Variants in SUCO observed in about 807,000 individuals in gnomAD.
SUCO encodes SUN domain-containing ossification factor.
SUCO carries 57 observed loss-of-function variants against 148.1 expected under a neutral mutation model. The ratio of observed to expected loss-of-function variants is 0.38; its 90% confidence interval spans 0.31 to 0.48. The LOEUF (loss-of-function observed/expected upper bound fraction) is 0.48. Among genes scored for constraint, SUCO ranks in the 20% least tolerant of loss-of-function variants. The pLI is 0.96. For synonymous variants in SUCO, 470 were observed against 502.7 expected, an observed-to-expected ratio of 0.93 and a Z score of 0.87; for missense variants, 1,331 against 1,468.2, an observed-to-expected ratio of 0.91 and a Z score of 1.53.
intron 13 of SUCO, among the ~76,000 whole-genome samples, 177 bp downstream of exon 13, chr1:172,577,996 A>G (rs1655583117): frequency 6.6e-6 from 1 of 150,990 alleles, no homozygotes; most frequent in African/African-American, 2.4e-5. Context: ...TCCTCTTTTA[A>G]AAAAAAAACC....
Position 172,611,346 on chromosome 1 carries a change from T to G in SUCO, c.*1087T>G, listed in dbSNP as rs977906195. On this transcript the variant is annotated 3_prime_UTR_variant, in exon 24 of 24. Coordinates refer to ENST00000263688, the MANE Select transcript of SUCO (RefSeq NM_014283.5). ...TTTTTTTTTGTCTTTAAAAAATAAT[T>G]GGCAGCAACTGTATTTGAATAAAAT... 4.6e-5 allele frequency: 7 copies of G among 152,614 alleles called. No individual in the cohort carries two copies. Among genetic ancestry groups the G allele is most frequent in the Non-Finnish European group, 8.8e-5 (6 of 68,026 alleles). 9.5% of individuals were successfully genotyped at this position (152,614 alleles called of 1,614,324 possible).
intron 11 of SUCO, 29 bp downstream of exon 11, chr1:172,575,652 C>G (rs376550396): frequency 5.5e-6 from 8 of 1,453,086 alleles, no homozygotes; most frequent in Non-Finnish European, 7.7e-6. Flanking sequence ...GGACTATGTT[C>G]TATAATGAAA....
chr1:172,538,080 C>T (rs2149216160), intron 1 of SUCO, among the ~76,000 whole-genome samples: 1 of 152,184 alleles, frequency 6.6e-6, no homozygotes, highest in African/African-American at 2.4e-5. Context: ...CTAATTCTAA[C>T]CACCTGACAG....
chr1:172,575,652 C>A, intron 11 of SUCO, 29 bp downstream of exon 11: 1 of 1,453,202 alleles, frequency 6.9e-7, no homozygotes, highest in Non-Finnish European at 9.6e-7. Context: ...GGACTATGTT[C>A]TATAATGAAA....
At position 172,610,291 on chromosome 1, in the gene SUCO, TTTG is replaced by T. The variant is rs762358540; in HGVS notation, c.*41_*43del. Reference sequence around the variant, plus strand: ...TTGAACTTTTCATACAGAAGACTTTTTTGTTGTTGTTCTTTGAAGAACAGTCTG... The same window carrying T: ...TTGAACTTTTCATACAGAAGACTTTTTTGTTGTTCTTTGAAGAACAGTCTG... On this transcript the variant is annotated 3_prime_UTR_variant, in exon 24 of 24. Transcript: ENST00000263688. 2.5e-5 allele frequency: 38 copies of T among 1,538,770 alleles called. No individual in the cohort carries two copies. The highest frequency in any genetic ancestry group is 4.2e-5 in the African/African-American group (3 of 71,944).
At chr1:172,549,918 T>G (rs1224807272) in intron 1 of SUCO, among the ~76,000 whole-genome samples, 1 of 151,778 alleles carries the variant, frequency 6.6e-6, no homozygotes, top group Non-Finnish European at 1.5e-5. Context: ...GAAATACAGT[T>G]TCTAAAATGA....
rs992414629 is a variant in SUCO at position 172,588,687 on chromosome 1, T to C, written c.1659-73T>C. On this transcript the variant is annotated intron_variant, in intron 17 of 23. Coordinates refer to ENST00000263688, the MANE Select transcript of SUCO (RefSeq NM_014283.5). ...CTTTTATCTTCTGTATGGATACATT[T>C]ATTTTTCTTTAACATATTTCAACTT... The C allele has an allele frequency of 1.2e-5, 16 of 1,297,858 alleles. No individual in the cohort carries two copies. The African/African-American group carries it at 2.2e-4, about 18-fold the overall frequency. The allele number at this position is 1,297,858 out of a possible 1,614,324, so 80.4% of individuals were successfully genotyped here.
intron 9 of SUCO, among the ~76,000 whole-genome samples, chr1:172,571,734 G>A (rs1194818532): frequency 1.8e-5 from 1 of 55,528 alleles, no homozygotes; most frequent in African/African-American, 9.0e-5. Flanking sequence ...TGTGAGGAGC[G>A]CCTCTACCCG....
intron 23 of SUCO, 77 bp from the exon 24 acceptor site, chr1:172,609,739 T>C: frequency 3.9e-6 from 6 of 1,522,208 alleles, no homozygotes; most frequent in Admixed American, 2.3e-5. Context: ...ACTTCTCTAT[T>C]AGCTCAGCTC....
rs975798325 is a variant in SUCO at position 172,602,127 on chromosome 1, C to A, written c.3082C>A (p.Leu1028Ile). 1.9e-6 allele frequency: 3 copies of A among 1,613,524 alleles called. No individual in the cohort carries two copies. In the African/African-American group the frequency reaches 4.0e-5, roughly 22 times the overall value. The change falls in exon 21 of 24, where the codon CTT becomes ATT. Residue 1028 changes from leucine to isoleucine, a missense_variant. By Grantham distance (5) the Leu-to-Ile change is conservative. Transcript: ENST00000263688. ...TCTTTGTGTTGTCTTGGGACTGATGCTTTGTATGCAGCGTTGTCGAAATAC... is the reference window on the plus strand; with the variant it reads ...TCTTTGTGTTGTCTTGGGACTGATGATTTGTATGCAGCGTTGTCGAAATAC... ...LVLCVVLGLM[L>I]CMQRCRNTSQ...
At chr1:172,562,049 C>A (rs909981603) in intron 6 of SUCO, among the ~76,000 whole-genome samples, 2 of 152,026 alleles carry the variant, frequency 1.3e-5, no homozygotes, top group Middle Eastern at 3.2e-3. Context: ...AAACCAAAAG[C>A]CAAAATAAGT....
chr1:172,538,083 C>T (rs905351864), intron 1 of SUCO, among the ~76,000 whole-genome samples: 6 of 152,088 alleles, frequency 3.9e-5, no homozygotes, highest in African/African-American at 1.4e-4. Context: ...ATTCTAACCA[C>T]CTGACAGAGG....
chr1:172,550,173 A>C (rs1653184027), intron 1 of SUCO, among the ~76,000 whole-genome samples: 3 of 151,916 alleles, frequency 2.0e-5, no homozygotes, highest in Non-Finnish European at 2.9e-5. Flanking sequence ...CTAGCCCCTC[A>C]TATAAGAATA....
intron 15 of SUCO, among the ~76,000 whole-genome samples, chr1:172,583,609 T>G (rs1324223843): frequency 6.6e-6 from 1 of 152,178 alleles, no homozygotes; most frequent in African/African-American, 2.4e-5. Flanking sequence ...ACTTTTCACA[T>G]CTCTGGTTTT....
At chr1:172,593,253 G>A (rs139749352) in intron 19 of SUCO, among the ~76,000 whole-genome samples, 1,699 of 152,254 alleles carry the variant, frequency 0.011, 33 homozygotes, top group African/African-American at 0.038. Context: ...TTTCCTAATT[G>A]AATACCCTTT....
chr1:172,577,720 A>G (rs757977634), intron 12 of SUCO, 44 bp from the exon 13 acceptor site: 3 of 1,593,882 alleles, frequency 1.9e-6, no homozygotes, highest in South Asian at 2.2e-5. Flanking sequence ...ATAATCTTAC[A>G]TGCTCTCTGC....
chr1:172,593,179 G>A (rs1347686647), intron 19 of SUCO, among the ~76,000 whole-genome samples: 1 of 152,214 alleles, frequency 6.6e-6, no homozygotes, highest in African/African-American at 2.4e-5. Flanking sequence ...TTTGGGCTGA[G>A]ATGATGGGGT....
At position 172,602,441 on chromosome 1, in the gene SUCO, C is replaced by G. The variant is rs556863314; in HGVS notation, c.3173+223C>G. 7.1e-6 allele frequency: 7 copies of G among 983,130 alleles called. No individual in the cohort carries two copies. The South Asian group carries it at 2.8e-4, about 40-fold the overall frequency. The allele number at this position is 983,130 out of a possible 1,614,324, so 60.9% of individuals were successfully genotyped here. A position where few individuals can be genotyped will look rare whatever the true frequency, so the allele number is the denominator to read the frequency against. On this transcript the variant is annotated intron_variant, in intron 21 of 23. Coordinates refer to ENST00000263688, the MANE Select transcript of SUCO (RefSeq NM_014283.5). ...AACACTAATAGTAAGTGCATGAAAC[C>G]CCTGAAATATTTGGTTGAGAAAGAT...
chr1:172,549,419 T>C (rs1367473516), intron 1 of SUCO, among the ~76,000 whole-genome samples: 1 of 151,920 alleles, frequency 6.6e-6, no homozygotes, highest in Non-Finnish European at 1.5e-5. Context: ...CTGGAATTCA[T>C]TATTGCATTA....
Sources: allele counts gnomAD v4.1 joint callset (sites outside exome capture counted in the v4.1 genomes callset), GRCh38; gene constraint gnomAD v4.1.1; transcripts MANE v1.5; gene names NCBI Gene and HGNC (gene_info 2026-07-23, HGNC 2026-07-21).